The following DYNC2I1 variants were observed in gnomAD, a reference collection of about 807,000 sequenced individuals.
DYNC2I1 encodes dynein 2 intermediate chain 1.
Under a neutral mutation model 133.4 loss-of-function variants are expected in DYNC2I1, and 89 were observed. That is an observed-to-expected ratio of 0.67 (90% CI 0.56 to 0.80). The LOEUF (loss-of-function observed/expected upper bound fraction) is 0.80. Ranked by LOEUF, DYNC2I1 falls within the 30% of genes least tolerant of loss-of-function variation. The pLI is 0.00. For missense variants in DYNC2I1, 1,291 were observed against 1,314.5 expected, an observed-to-expected ratio of 0.98 and a Z score of 0.28; for synonymous variants, 504 against 484.3, an observed-to-expected ratio of 1.04 and a Z score of -0.54.
At chr7:158,926,335 C>G in intron 18 of DYNC2I1, 35 bp downstream of exon 18, 1 of 1,601,866 alleles carries the variant, frequency 6.2e-7, no homozygotes. Context: ...AATCCTTCAT[C>G]AATGGTTGTG....
At position 158,907,164 on chromosome 7, in the gene DYNC2I1, GAA is replaced by G. The variant is rs150638362; in HGVS notation, c.1460+1085_1460+1086del. Reference sequence around the variant, plus strand: ...CAGAGCGAGACCCTGTCTCAAAAAAGAAAAAAAAAAAAACTAATAAAGGTGAC... The same window carrying G: ...CAGAGCGAGACCCTGTCTCAAAAAAGAAAAAAAAAAACTAATAAAGGTGAC... On this transcript the variant is annotated intron_variant, in intron 11 of 24. Transcript: ENST00000407559. 8.3e-3 allele frequency among the ~76,000 whole-genome samples: 1,070 copies of G among 128,384 alleles called. 15 individuals carry two copies. The highest frequency in any genetic ancestry group is 0.025 in the African/African-American group (957 of 38,028). The allele number at this position is 128,384 out of a possible 152,430, so 84.2% of individuals were successfully genotyped here. A position where few individuals can be genotyped will look rare whatever the true frequency, so the allele number is the denominator to read the frequency against.
In DYNC2I1 at chr7:158,941,908, T is replaced by G; in HGVS notation, c.2779-17T>G. ...AAAAAGGCCATGCTCAGCAGTGTTC[T>G]TTCTTCCTGGTCATAGGCCGGCTGT... On this transcript the variant is annotated splice_polypyrimidine_tract_variant and intron_variant, in intron 23 of 24. Coordinates refer to ENST00000407559, the MANE Select transcript of DYNC2I1 (RefSeq NM_018051.5). The G allele has an allele frequency of 6.3e-7, 1 of 1,580,948 alleles. No individual in the cohort carries two copies. The highest frequency in any genetic ancestry group is 8.6e-7 in the Non-Finnish European group (1 of 1,163,678).
intron 5 of DYNC2I1, 95 bp downstream of exon 5, chr7:158,880,084 A>G: frequency 7.1e-7 from 1 of 1,413,100 alleles, no homozygotes; most frequent in South Asian, 1.4e-5. Context: ...CAAGGTTGAG[A>G]TTTGTGGCCT....
At chr7:158,881,340 G>A (rs1000710047) in intron 5 of DYNC2I1, among the ~76,000 whole-genome samples, 1 of 152,210 alleles carries the variant, frequency 6.6e-6, no homozygotes, top group Non-Finnish European at 1.5e-5. Context: ...CGCGTCTACG[G>A]TGTGGAAAGC....
chr7:158,940,895 TAAAC>T (rs772359356), intron 23 of DYNC2I1, among the ~76,000 whole-genome samples: 55 of 151,988 alleles, frequency 3.6e-4, no homozygotes, highest in Middle Eastern at 3.4e-3. Context: ...AGACTTCAAA[TAAAC>T]AATGTAACAA....
At chr7:158,910,173 T>C (rs1328496944) in intron 11 of DYNC2I1, among the ~76,000 whole-genome samples, 3 of 152,158 alleles carry the variant, frequency 2.0e-5, no homozygotes, top group Admixed American at 1.3e-4. Context: ...AATGTTAGGG[T>C]GAAACTTAGG....
chr7:158,883,887 A>G (rs1844324494), intron 5 of DYNC2I1, among the ~76,000 whole-genome samples: 1 of 149,998 alleles, frequency 6.7e-6, no homozygotes, highest in African/African-American at 2.5e-5. Context: ...GATGGTCTCG[A>G]TCTCCTGACC....
chr7:158,894,215 T>C (rs1845556599), intron 8 of DYNC2I1, among the ~76,000 whole-genome samples: 1 of 151,944 alleles, frequency 6.6e-6, no homozygotes, highest in Non-Finnish European at 1.5e-5. Flanking sequence ...TATATCATAG[T>C]GCATATCCTA....
At chr7:158,949,184 G>T (rs551526409), downstream of DYNC2I1, among the ~76,000 whole-genome samples, 2 of 152,202 alleles carry the variant, frequency 1.3e-5, no homozygotes, top group African/African-American at 4.8e-5. Flanking sequence ...GGAACACCCC[G>T]CAGGTGGTGA....
intron 8 of DYNC2I1, among the ~76,000 whole-genome samples, chr7:158,894,263 C>T (rs529125118): frequency 7.9e-5 from 12 of 152,092 alleles, no homozygotes; most frequent in South Asian, 2.1e-4. Flanking sequence ...TATATCATGG[C>T]GCATATCCTA....
At chr7:158,873,520 T>C (rs1168376586) in intron 3 of DYNC2I1, among the ~76,000 whole-genome samples, 1 of 152,240 alleles carries the variant, frequency 6.6e-6, no homozygotes, top group East Asian at 1.9e-4. Flanking sequence ...TGTTCATATA[T>C]GTGCGTTTCT....
At chr7:158,940,507 A>G (rs550116753) in intron 23 of DYNC2I1, among the ~76,000 whole-genome samples, 6 of 152,202 alleles carry the variant, frequency 3.9e-5, no homozygotes, top group Admixed American at 3.9e-4. Context: ...CATTTACAGA[A>G]TATTTCTCTC....
intron 1 of DYNC2I1, among the ~76,000 whole-genome samples, chr7:158,857,165 C>T (rs1411177630): frequency 6.6e-6 from 1 of 152,170 alleles, no homozygotes; most frequent in East Asian, 1.9e-4. Flanking sequence ...GAGAGTGCAG[C>T]CTGGGTGCTT....
chr7:158,858,926 C>G, intron 1 of DYNC2I1, among the ~76,000 whole-genome samples: 1 of 35,006 alleles, frequency 2.9e-5, no homozygotes, highest in Non-Finnish European at 5.5e-5. Flanking sequence ...CTCCCCTCCC[C>G]CCTCCCCTTT....
At chr7:158,892,234 C>T (rs1277778817) in intron 8 of DYNC2I1, among the ~76,000 whole-genome samples, 3 of 152,152 alleles carry the variant, frequency 2.0e-5, no homozygotes, top group African/African-American at 4.8e-5. Context: ...CTGAGTTGTA[C>T]GAGAATAAGA....
chr7:158,886,922 A>G (rs1161344935), intron 6 of DYNC2I1, 99 bp from the exon 7 acceptor site: 1 of 1,149,752 alleles, frequency 8.7e-7, no homozygotes, highest in East Asian at 2.5e-5. Flanking sequence ...TAATCATATC[A>G]AAATATTGTT....
intron 7 of DYNC2I1, among the ~76,000 whole-genome samples, chr7:158,887,725 T>C (rs60842905): frequency 9.4e-4 from 143 of 152,350 alleles, no homozygotes; most frequent in African/African-American, 3.3e-3. Flanking sequence ...TGATGGCTTC[T>C]CTGGCAAATT....
At chr7:158,940,838 AAG>A (rs762861948) in intron 23 of DYNC2I1, among the ~76,000 whole-genome samples, 13 of 152,220 alleles carry the variant, frequency 8.5e-5, no homozygotes, top group African/African-American at 1.2e-4. Context: ...AAGCAATACT[AAG>A]AGAGAAGTTG....
chr7:158,865,269 A>G (rs181357271), intron 1 of DYNC2I1, among the ~76,000 whole-genome samples: 1 of 152,336 alleles, frequency 6.6e-6, no homozygotes, highest in Admixed American at 6.5e-5. Flanking sequence ...GAGTGGGGAA[A>G]AGAATTCCCT....
Sources: allele counts gnomAD v4.1 joint callset (sites outside exome capture counted in the v4.1 genomes callset), GRCh38; gene constraint gnomAD v4.1.1; transcripts MANE v1.5; gene names NCBI Gene and HGNC (gene_info 2026-07-23, HGNC 2026-07-21).